Variants in URI1 observed in about 807,000 individuals in gnomAD.
The protein encoded by URI1 is URI1 prefoldin like chaperone.
URI1 carries 39 observed loss-of-function variants against 60.2 expected under a neutral mutation model. The ratio of observed to expected loss-of-function variants is 0.65; its 90% CI spans 0.50 to 0.85. URI1 has a LOEUF of 0.85. URI1 is among the 40% of genes least tolerant of loss of function. URI1 has a pLI of 0.00. For missense variants in URI1, 691 were observed against 665.9 expected (o/e 1.04, Z -0.42); for synonymous variants, 251 against 236.8 (o/e 1.06, Z -0.55).
At chr19:29,933,953 T>TG in intron 1 of URI1, among the ~76,000 whole-genome samples, 1 of 148,804 alleles carries the variant, frequency 6.7e-6, no homozygotes, top group East Asian at 2.0e-4. Flanking sequence ...TTTTTTTTTT[T>TG]GAGATGAAGT....
intron 2 of URI1, among the ~76,000 whole-genome samples, chr19:29,973,364 C>T (rs2055482586): frequency 6.6e-6 from 1 of 152,178 alleles, no homozygotes; most frequent in Non-Finnish European, 1.5e-5. Flanking sequence ...GGGTGTCTCA[C>T]ACACTACTTT....
chr19:30,012,803 C>G (rs1360531385), intron 10 of URI1: 2 of 283,442 alleles, frequency 7.1e-6, no homozygotes, highest in African/African-American at 4.5e-5. Flanking sequence ...ACATTTGTAG[C>G]TAGGAAATTA....
intron 2 of URI1, among the ~76,000 whole-genome samples, chr19:29,978,098 T>A (rs1213990212): frequency 6.6e-6 from 1 of 152,060 alleles, no homozygotes; most frequent in Non-Finnish European, 1.5e-5. Flanking sequence ...TTTTAAAGAG[T>A]TAAATGATTT....
intron 1 of URI1, among the ~76,000 whole-genome samples, chr19:29,953,062 CATTG>C (rs1390501154): frequency 6.6e-6 from 1 of 152,062 alleles, no homozygotes; most frequent in Non-Finnish European, 1.5e-5. Flanking sequence ...TCTGTATATT[CATTG>C]ATTGTTGATT....
intron 1 of URI1, among the ~76,000 whole-genome samples, chr19:29,924,380 G>A (rs766076129): frequency 2.3e-4 from 35 of 152,280 alleles, no homozygotes; most frequent in Admixed American, 1.4e-3. Flanking sequence ...ACAAGCACAG[G>A]CAAAGTCAGT....
upstream of URI1, chr19:29,942,117 C>G (rs1251844737): frequency 2.8e-6 from 2 of 702,622 alleles, no homozygotes; most frequent in Non-Finnish European, 3.5e-6. Flanking sequence ...GCGCGGACAC[C>G]GCCAGCCCCA....
intron 1 of URI1, among the ~76,000 whole-genome samples, chr19:29,964,452 G>GTTTTTTTTTT (rs1380907956): frequency 3.6e-5 from 5 of 137,300 alleles, no homozygotes; most frequent in African/African-American, 1.4e-4. Context: ...TTTTGTTTTT[G>GTTTTTTTTTT]TTTTTTGTTT....
intron 1 of URI1, among the ~76,000 whole-genome samples, chr19:29,958,441 A>G (rs1001411708): frequency 3.3e-5 from 5 of 152,174 alleles, no homozygotes; most frequent in Admixed American, 6.5e-5. Context: ...ATTTTATCAA[A>G]TGTATTTTCT....
intron 2 of URI1, among the ~76,000 whole-genome samples, chr19:29,973,088 A>C (rs758763151): frequency 2.6e-5 from 4 of 152,130 alleles, no homozygotes; most frequent in Non-Finnish European, 4.4e-5. Flanking sequence ...AAAAATTGAA[A>C]CCAAAGTGTC....
chr19:30,011,113 A>G lies in URI1; in HGVS notation c.1055A>G (p.Lys352Arg), dbSNP rs2056012146. ...TTTTAGGTCCGAATAAATACTGGAA[A>G]GAATACCACTTTAAAATTCAGTGAA... ...EPKRVRINTGKNTTLKFSEKK... is the reference protein window; with the variant it reads ...EPKRVRINTGRNTTLKFSEKK... Residue 352 changes from lysine (K) to arginine (R), a missense_variant, in exon 9 of 11, where the codon AAG becomes AGG. Physicochemically the swap from Lys to Arg is conservative, Grantham distance 26. Coordinates refer to ENST00000392271, the MANE Select transcript of URI1 (RefSeq NM_003796.3). 2.5e-6 allele frequency: 4 copies of G among 1,610,182 alleles called. No individual in the cohort carries two copies. Among genetic ancestry groups the G allele is most frequent in the African/African-American group, 1.3e-5 (1 of 74,692 alleles).
rs1301008420 is a variant in URI1 at position 29,926,231 on chromosome 19, CTCTCCT to C, written c.63+2480_63+2485del. Among the ~76,000 whole-genome samples the C allele has an allele frequency of 6.2e-5, 9 of 144,646 alleles. 1 individual carries two copies. Among genetic ancestry groups the C allele is most frequent in the South Asian group, 4.5e-4 (2 of 4,448 alleles). The allele number at this position is 144,646 out of a possible 152,430, so 94.9% of individuals were successfully genotyped here. ...ATAAAAATCTTCTCTCTTTCTTCCT[CTCTCCT>C]TCCTTCCTTCCTTCCTTCCTTCCTT... is the stretch of plus-strand genomic sequence containing the variant. On this transcript the variant is annotated intron_variant, in intron 1 of 10. Coordinates refer to the URI1 transcript ENST00000360605.
intron 2 of URI1, among the ~76,000 whole-genome samples, chr19:29,971,790 G>A (rs1402511157): frequency 6.6e-6 from 1 of 151,744 alleles, no homozygotes; most frequent in East Asian, 1.9e-4. Flanking sequence ...GGCTTCTGAG[G>A]AAAATGCTCG....
intron 8 of URI1, among the ~76,000 whole-genome samples, chr19:30,009,905 A>G (rs1465741562): frequency 6.6e-6 from 1 of 152,154 alleles, no homozygotes; most frequent in Non-Finnish European, 1.5e-5. Flanking sequence ...ATTTTCTAAT[A>G]CAGAGTTTTA....
chr19:29,971,680 T>C (rs1179590148), intron 2 of URI1, among the ~76,000 whole-genome samples: 1 of 151,492 alleles, frequency 6.6e-6, no homozygotes, highest in Non-Finnish European at 1.5e-5. Context: ...GCTTGTTTTA[T>C]TGACTGTACT....
intron 10 of URI1, among the ~76,000 whole-genome samples, chr19:30,014,619 C>G (rs528172130): frequency 2.0e-5 from 3 of 152,094 alleles, no homozygotes; most frequent in Non-Finnish European, 4.4e-5. Flanking sequence ...TTTATTTATC[C>G]ATTTCTTTTT....
Position 29,924,517 on chromosome 19 carries a change from T to C in URI1, c.63+763T>C, listed in dbSNP as rs561282493. ...ATCCCTGGTCCTCATGACCCCTTGA[T>C]TTCTTTCTGAGGAATTCCCTCCCTC... On this transcript the variant is annotated intron_variant, in intron 1 of 10. Coordinates refer to the URI1 transcript ENST00000360605. 2.6e-5 allele frequency among the ~76,000 whole-genome samples: 4 copies of C among 152,294 alleles called. No individual in the cohort carries two copies. In the East Asian group the frequency reaches 7.7e-4, roughly 29 times the overall value.
intron 4 of URI1, among the ~76,000 whole-genome samples, chr19:29,991,007 A>G (rs2055739336): frequency 6.6e-6 from 1 of 152,140 alleles, no homozygotes; most frequent in African/African-American, 2.4e-5. Context: ...CTGTAGCATT[A>G]TAGTGTTCCT....
chr19:29,990,631 G>T (rs1215200593), intron 4 of URI1, among the ~76,000 whole-genome samples: 1 of 152,138 alleles, frequency 6.6e-6, no homozygotes, highest in Non-Finnish European at 1.5e-5. Context: ...ACCATATATT[G>T]TATGATTCCA....
Position 30,005,365 on chromosome 19 carries a change from A to G in URI1, c.372A>G (p.Val124=). ...TGGTTGTGTTCATTGTTTCAGATGT[A>G]AGAAAAACAATAGATGACTTAAAAA... ...VGLVEHRKEH[V]RKTIDDLKKV... The change falls in exon 5 of 11, where the codon GTA becomes GTG. Residue 124 remains valine, a synonymous_variant. Coordinates refer to ENST00000392271, the MANE Select transcript of URI1 (RefSeq NM_003796.3). 2 of 1,573,208 alleles carry G rather than the reference A, an allele frequency of 1.3e-6. No homozygotes were observed. Among genetic ancestry groups the G allele is most frequent in the Non-Finnish European group, 1.7e-6 (2 of 1,153,822 alleles).
Sources: allele counts gnomAD v4.1 joint callset (sites outside exome capture counted in the v4.1 genomes callset), GRCh38; gene constraint gnomAD v4.1.1; transcripts MANE v1.5; gene names NCBI Gene and HGNC (gene_info 2026-07-23, HGNC 2026-07-21).